The following CYRIB variants were observed in gnomAD, a reference collection of about 807,000 sequenced individuals.
The protein encoded by CYRIB is CYFIP related Rac1 interactor B, also known as CYFIP-related Rac1 interactor B.
CYRIB carries 8 observed loss-of-function variants against 44.2 expected under a neutral mutation model. The observed-to-expected ratio is 0.18, with a 90% CI of 0.11 to 0.33. CYRIB has a LOEUF of 0.33. CYRIB is among the 10% of genes least tolerant of loss of function. The pLI, the probability that CYRIB is intolerant of heterozygous loss-of-function variation, is 1.00. For missense variants in CYRIB, 185 were observed against 382.8 expected, an observed-to-expected ratio of 0.48 and a Z score of 4.31; for synonymous variants, 131 against 127.2, an observed-to-expected ratio of 1.03 and a Z score of -0.20.
At chr8:129,930,159 C>T (rs376054201) in intron 1 of CYRIB, among the ~76,000 whole-genome samples, 2 of 151,012 alleles carry the variant, frequency 1.3e-5, no homozygotes, top group African/African-American at 2.4e-5. Context: ...TGCAGTGAGC[C>T]GAGATCGCAC....
chr8:129,844,309 T>G (rs2038486633), intron 11 of CYRIB: 1 of 152,214 alleles, frequency 6.6e-6, no homozygotes, highest in South Asian at 2.1e-4. Context: ...GCTTCCTTCT[T>G]TGGACAAAGC....
intron 1 of CYRIB, among the ~76,000 whole-genome samples, chr8:129,926,350 T>G (rs1457801402): frequency 6.6e-6 from 1 of 152,184 alleles, no homozygotes; most frequent in Non-Finnish European, 1.5e-5. Flanking sequence ...TTAAACACAT[T>G]ACCTTTTTCA....
chr8:129,906,357 T>G (rs533531721), intron 1 of CYRIB, among the ~76,000 whole-genome samples: 1 of 152,226 alleles, frequency 6.6e-6, no homozygotes, highest in African/African-American at 2.4e-5. Flanking sequence ...GGGGAAAGGA[T>G]TCCCTATTCA....
intron 1 of CYRIB, among the ~76,000 whole-genome samples, chr8:129,983,677 G>A (rs1170906845): frequency 1.3e-5 from 2 of 152,188 alleles, no homozygotes; most frequent in African/African-American, 4.8e-5. Flanking sequence ...ACCAGGCAGC[G>A]CTCACGTGCG....
At chr8:129,926,992 T>C (rs541864568) in intron 1 of CYRIB, among the ~76,000 whole-genome samples, 36 of 152,276 alleles carry the variant, frequency 2.4e-4, no homozygotes, top group East Asian at 1.7e-3. Flanking sequence ...ATTTAAAAAA[T>C]TGTCTTAGAG....
At chr8:129,974,328 C>T (rs1278129760) in intron 1 of CYRIB, among the ~76,000 whole-genome samples, 1 of 152,086 alleles carries the variant, frequency 6.6e-6, no homozygotes. Flanking sequence ...TAAATGGAAG[C>T]CTATCTATCA....
intron 1 of CYRIB, among the ~76,000 whole-genome samples, chr8:129,926,559 C>G (rs2087848950): frequency 6.6e-6 from 1 of 152,106 alleles, no homozygotes; most frequent in African/African-American, 2.4e-5. Flanking sequence ...TAAAATCATA[C>G]TACAAGAAAA....
Position 129,901,874 on chromosome 8 carries a change from T to C in CYRIB, c.-11+1438A>G, listed in dbSNP as rs181279539. On this transcript the variant is annotated intron_variant, in intron 2 of 11. Coordinates refer to ENST00000519824, the Ensembl canonical transcript of CYRIB. Reference sequence around the variant, plus strand: ...TATTCTCTAACATGAGAAACACACATATTAATGTAAGAAGCACACATATTA... The same window carrying C: ...TATTCTCTAACATGAGAAACACACACATTAATGTAAGAAGCACACATATTA... 2.7e-4 allele frequency: 41 copies of C among 152,290 alleles called. No individual in the cohort carries two copies. In the East Asian group the frequency reaches 3.5e-3, roughly 13 times the overall value. 9.4% of individuals were successfully genotyped at this position (152,290 alleles called of 1,614,324 possible). A position where few individuals can be genotyped will look rare whatever the true frequency, so the allele number is the denominator to read the frequency against.
Position 129,900,691 on chromosome 8 carries a change from T to C in CYRIB, c.-11+2621A>G, listed in dbSNP as rs549798501. 9.8e-3 allele frequency among the ~76,000 whole-genome samples: 1,500 copies of C among 152,308 alleles called. 35 individuals carry two copies. The highest frequency in any genetic ancestry group is 0.034 in the African/African-American group (1,431 of 41,566). The stretch of plus-strand genomic sequence containing the variant: ...TGATATTTGGGTTTTGGGAGGGTGT[T>C]TTTTTTGAGACAATGTCCTGCTCTA... On this transcript the variant is annotated intron_variant, in intron 2 of 11. Coordinates refer to ENST00000519824, the Ensembl canonical transcript of CYRIB.
chr8:130,012,452 T>C lies in CYRIB; in HGVS notation c.-296+3918A>G, dbSNP rs2097247640. 2.0e-5 allele frequency among the ~76,000 whole-genome samples: 3 copies of C among 152,216 alleles called. No individual in the cohort carries two copies. The South Asian group carries it at 6.2e-4, about 32-fold the overall frequency. ...TGTCAGGGGAGGGTAAGACATTGGATGCAGGGACAGATGATGGGACCAGGG... is the reference window on the plus strand; with the variant it reads ...TGTCAGGGGAGGGTAAGACATTGGACGCAGGGACAGATGATGGGACCAGGG... On this transcript the variant is annotated intron_variant, in intron 1 of 14. Coordinates refer to the CYRIB transcript ENST00000401979.
chr8:129,851,172 CA>C, intron 8 of CYRIB: 1 of 444,438 alleles, frequency 2.3e-6, no homozygotes, highest in East Asian at 4.4e-5. Context: ...ACAATGCAGA[CA>C]GGGGGTCAAA....
At chr8:129,885,702 T>C (rs189012905) in intron 2 of CYRIB, among the ~76,000 whole-genome samples, 40 of 152,284 alleles carry the variant, frequency 2.6e-4, no homozygotes, top group African/African-American at 8.7e-4. Context: ...CTGCCTGTTG[T>C]TGAAAGCTGC....
At chr8:129,882,124 G>C (rs298607) in intron 2 of CYRIB, among the ~76,000 whole-genome samples, 84,245 of 151,944 alleles carry the variant, frequency 0.55, 23,771 homozygotes, top group African/African-American at 0.65. Flanking sequence ...ATCAAAATTG[G>C]AACTACAGAT....
At chr8:129,848,126 G>A (rs77482420) in intron 10 of CYRIB, among the ~76,000 whole-genome samples, 6,362 of 152,138 alleles carry the variant, frequency 0.042, 220 homozygotes, top group African/African-American at 0.093. Flanking sequence ...TCTATTACTT[G>A]ATCTGCTAAA....
At chr8:129,861,673 G>A (rs2049694874) in intron 5 of CYRIB, among the ~76,000 whole-genome samples, 1 of 149,852 alleles carries the variant, frequency 6.7e-6, no homozygotes, top group African/African-American at 2.5e-5. Flanking sequence ...GGCTGGTCTC[G>A]AACTCCTGAG....
At chr8:129,939,610 T>A (rs1460100857) in exon 1 of CYRIB, 1 of 152,198 alleles carries the variant, frequency 6.6e-6, no homozygotes, top group African/African-American at 2.4e-5. Context: ...TCACTCACCC[T>A]CCGCTCGAGC....
At chr8:129,994,327 C>T (rs2096718904) in intron 1 of CYRIB, among the ~76,000 whole-genome samples, 1 of 152,198 alleles carries the variant, frequency 6.6e-6, no homozygotes, top group African/African-American at 2.4e-5. Context: ...ACCAACCCTC[C>T]CGGCACCTTC....
chr8:129,890,589 A>G (rs1431817279), intron 2 of CYRIB: 1 of 152,190 alleles, frequency 6.6e-6, no homozygotes, highest in African/African-American at 2.4e-5. Context: ...CTTCTAAGAA[A>G]CTGTACCATC....
chr8:129,841,247 A>G (rs978038819), exon 12 of CYRIB: 1 of 152,226 alleles, frequency 6.6e-6, no homozygotes, highest in Admixed American at 6.5e-5. Context: ...AATCAAGAAT[A>G]AAAGTCCAGT....
Sources: gnomAD v4.1 joint callset for allele counts (sites outside exome capture counted in the v4.1 genomes callset) on GRCh38, gnomAD v4.1.1 for gene constraint, MANE v1.5 for transcripts, NCBI Gene and HGNC (gene_info 2026-07-23, HGNC 2026-07-21) for gene names.